The following RYR1 variants were observed in gnomAD, a reference collection of about 807,000 sequenced individuals.
RYR1 encodes ryanodine receptor 1.
In RYR1, 342 loss-of-function variants were observed where a neutral mutation model predicts 583.5. The observed-to-expected ratio is 0.59, with a 90% confidence interval of 0.54 to 0.64. The LOEUF (loss-of-function observed/expected upper bound fraction) is 0.64, where lower values mean the gene tolerates loss of function less well. Among genes scored for constraint, RYR1 ranks in the 30% least tolerant of loss-of-function variants. The probability of loss-of-function intolerance (pLI) is 0.00; values close to 1 mark genes in which losing one functional copy is unlikely to be tolerated. For synonymous variants in RYR1, 2,791 were observed against 2,822.5 expected, an observed-to-expected ratio of 0.99 and a Z score of 0.35; for missense variants, 6,032 against 6,917.2, an observed-to-expected ratio of 0.87 and a Z score of 4.54.
intron 3 of RYR1, among the ~76,000 whole-genome samples, chr19:38,443,008 C>A (rs114928933): frequency 6.6e-6 from 1 of 152,324 alleles, no homozygotes; most frequent in East Asian, 1.9e-4. Context: ...CATGTGACAG[C>A]CATGATGGGA....
chr19:38,489,518 T>C, intron 35 of RYR1, 75 bp downstream of exon 35: 1 of 1,559,308 alleles, frequency 6.4e-7, no homozygotes, highest in Middle Eastern at 1.9e-4. Flanking sequence ...GATGTGAGTC[T>C]GGACTTCGTC....
chr19:38,522,423 G>A (rs986242415), intron 67 of RYR1, among the ~76,000 whole-genome samples: 1 of 151,934 alleles, frequency 6.6e-6, no homozygotes, highest in Non-Finnish European at 1.5e-5. Flanking sequence ...ACAACCTAGG[G>A]AGACCCTCTT....
intron 25 of RYR1, 88 bp from the exon 26 acceptor site, chr19:38,468,878 C>G: frequency 4.3e-6 from 6 of 1,383,846 alleles, no homozygotes; most frequent in Non-Finnish European, 6.1e-6. Context: ...GAATGTCTGT[C>G]TTCATATATC....
intron 97 of RYR1, 125 bp from the exon 98 acceptor site, chr19:38,577,793 C>CAA (rs111471835): frequency 6.6e-4 from 692 of 1,051,026 alleles, no homozygotes; most frequent in African/African-American, 5.6e-3. Context: ...GAGACTGTCT[C>CAA]AAAAAAAAAA....
At chr19:38,559,611 A>G (rs1477121522) in intron 89 of RYR1, among the ~76,000 whole-genome samples, 1 of 152,010 alleles carries the variant, frequency 6.6e-6, no homozygotes, top group Non-Finnish European at 1.5e-5. Flanking sequence ...TGAGGGCAGA[A>G]GGTGAGGGGT....
At chr19:38,482,554 G>A (rs572199114) in intron 31 of RYR1, among the ~76,000 whole-genome samples, 4 of 152,216 alleles carry the variant, frequency 2.6e-5, no homozygotes, top group African/African-American at 4.8e-5. Flanking sequence ...AGGATCAAGC[G>A]ATTCTCTCAT....
chr19:38,490,576 C>G (rs1311714818), intron 36 of RYR1, 45 bp from the exon 37 acceptor site: 1 of 1,244,286 alleles, frequency 8.0e-7, no homozygotes, highest in Admixed American at 1.7e-5. Context: ...AGAGTTCCTG[C>G]TTTGGGATCT....
At position 38,544,131 on chromosome 19, in the gene RYR1, T is replaced by C. The variant is rs2292800; in HGVS notation, c.12012+256T>C. On this transcript the variant is annotated intron_variant, in intron 87 of 105. Coordinates refer to ENST00000359596, the MANE Select transcript of RYR1 (RefSeq NM_000540.3). ...CCATTGGTCTGACGTGTTGGCCCCGTCCCAATGGCCGGAGCTCCTCTATGA... is the reference window on the plus strand; with the variant it reads ...CCATTGGTCTGACGTGTTGGCCCCGCCCCAATGGCCGGAGCTCCTCTATGA... Among the ~76,000 whole-genome samples the C allele has an allele frequency of 0.023, 3,470 of 152,284 alleles. 95 individuals carry two copies. Among genetic ancestry groups the C allele is most frequent in the Admixed American group, 0.073 (1,111 of 15,290 alleles).
At chr19:38,523,371 C>A in intron 69 of RYR1, 62 bp downstream of exon 69, 1 of 1,599,198 alleles carries the variant, frequency 6.3e-7, no homozygotes, top group Non-Finnish European at 8.6e-7. Context: ...TCTAGGACTT[C>A]CTACCTGGCC....
chr19:38,525,171 TAGAGTC>T (rs1231056664), intron 70 of RYR1, among the ~76,000 whole-genome samples, 155 bp from the exon 71 acceptor site: 1 of 152,006 alleles, frequency 6.6e-6, no homozygotes, highest in Non-Finnish European at 1.5e-5. Context: ...GCCTGAAGTG[TAGAGTC>T]AGCAAGTCTG....
intron 27 of RYR1, among the ~76,000 whole-genome samples, chr19:38,472,623 A>G (rs1968482846): frequency 6.6e-6 from 1 of 151,898 alleles, no homozygotes. Context: ...CACGCCTGTA[A>G]TCCTAGCACT....
At chr19:38,484,383 C>CCTCCTTCCCTCT (rs1969171699) in intron 33 of RYR1, among the ~76,000 whole-genome samples, 1 of 151,232 alleles carries the variant, frequency 6.6e-6, no homozygotes, top group Non-Finnish European at 1.5e-5. Flanking sequence ...TTCCTTCCTC[C>CCTCCTTCCCTCT]CTCCTTCCCT....
chr19:38,458,591 G>T lies in RYR1; in HGVS notation c.2167+299G>T, dbSNP rs550230836. The stretch of plus-strand genomic sequence containing the variant: ...TGATCTTTGACTTCTAACCCCAGGA[G>T]AATTTATTTATTTATTTATTTTGTT... On this transcript the variant is annotated intron_variant, in intron 18 of 105. Transcript: ENST00000359596. Among the ~76,000 whole-genome samples, 24 of 142,066 alleles carry T rather than the reference G, an allele frequency of 1.7e-4. No homozygotes were observed. In the South Asian group the frequency reaches 2.9e-3, roughly 17 times the overall value. The allele number at this position is 142,066 out of a possible 152,430, so 93.2% of individuals were successfully genotyped here.
chr19:38,502,666 G>A lies in RYR1; in HGVS notation c.7774G>A (p.Gly2592Ser), dbSNP rs1476768502. Residue 2592 changes from glycine (G) to serine (S), a missense_variant, in exon 48 of 106, where the codon GGT becomes AGT. Physicochemically the swap from Gly to Ser is moderately conservative, Grantham distance 56. This residue lies in a region of RYR1 where 250 missense variants were observed against 162.3 expected (regional missense o/e 1.54). Transcript: ENST00000359596. ...GCATACCGTGTACCGCCTGTCTCGG[G>A]GTCGTTCGCTCACCAAGGCGCAGCG... is the stretch of plus-strand genomic sequence containing the variant. ...MLHTVYRLSR[G>S]RSLTKAQRDV... The A allele has an allele frequency of 4.3e-6, 7 of 1,610,938 alleles. No individual in the cohort carries two copies. Among genetic ancestry groups the A allele is most frequent in the Non-Finnish European group, 5.1e-6 (6 of 1,179,734 alleles).
chr19:38,544,400 G>C (rs1453286693), intron 87 of RYR1, among the ~76,000 whole-genome samples: 5 of 152,030 alleles, frequency 3.3e-5, no homozygotes, highest in Non-Finnish European at 7.4e-5. Flanking sequence ...AATGTCTCAC[G>C]AACACTTAAT....
At chr19:38,525,817 C>G (rs1971444743) in intron 71 of RYR1, among the ~76,000 whole-genome samples, 1 of 151,518 alleles carries the variant, frequency 6.6e-6, no homozygotes, top group Non-Finnish European at 1.5e-5. Flanking sequence ...CGGACCATGC[C>G]AAACCTGCTG....
chr19:38,496,515 T>C lies in RYR1; in HGVS notation c.6770T>C (p.Leu2257Pro). The change falls in exon 41 of 106, where the codon CTG becomes CCG. Residue 2257 changes from leucine (L) to proline (P), a missense_variant. Physicochemically the swap from Leu to Pro is moderately conservative, Grantham distance 98 (BLOSUM62 -3). Around this residue, in one of 11 missense-constraint regions of RYR1, gnomAD observed 2,627 missense variants for 2,961.3 expected, o/e 0.89. Coordinates refer to ENST00000359596, the MANE Select transcript of RYR1 (RefSeq NM_000540.3). The surrounding 1 kb of genome is among the most constrained non-coding windows in gnomAD (Gnocchi z 4.8). ...QRSMFDHLSYLLENSGIGLGM... is the reference protein window; with the variant it reads ...QRSMFDHLSYPLENSGIGLGM... ...TCCATGTTTGACCACCTGAGCTACC[T>C]GCTGGAGAACAGTGGCATCGGCCTG... The C allele has an allele frequency of 6.2e-7, 1 of 1,613,526 alleles. No individual in the cohort carries two copies. The highest frequency in any genetic ancestry group is 8.5e-7 in the Non-Finnish European group (1 of 1,180,024).
At chr19:38,524,047 C>G in intron 70 of RYR1, 118 bp downstream of exon 70, 1 of 1,152,410 alleles carries the variant, frequency 8.7e-7, no homozygotes, top group Non-Finnish European at 1.3e-6. Context: ...CCGTCCTCCC[C>G]TCCCAGCCCC....
chr19:38,546,548 T>G (rs767999000), intron 88 of RYR1, 22 bp downstream of exon 88: 1 of 1,601,714 alleles, frequency 6.2e-7, no homozygotes. Context: ...GGAGTGAGGG[T>G]GAGGGAACAG....
Sources: allele counts gnomAD v4.1 joint callset (sites outside exome capture counted in the v4.1 genomes callset), GRCh38; gene constraint gnomAD v4.1.1; regional missense constraint gnomAD v4.1.1; non-coding constraint Gnocchi (gnomAD v3.1); transcripts MANE v1.5; gene names NCBI Gene and HGNC (gene_info 2026-07-23, HGNC 2026-07-21).